TMEM132D: variants seen among roughly 807,000 people sequenced by gnomAD.
The protein encoded by TMEM132D is transmembrane protein 132D.
TMEM132D carries 21 observed loss-of-function variants against 62.3 expected under a neutral mutation model. The ratio of observed to expected loss-of-function variants is 0.34; its 90% confidence interval spans 0.24 to 0.49. TMEM132D has a LOEUF of 0.49. Among genes scored for constraint, TMEM132D ranks in the 20% least tolerant of loss-of-function variants. TMEM132D has a pLI of 0.99. For synonymous variants in TMEM132D, 621 were observed against 575.6 expected, an observed-to-expected ratio of 1.08 and a Z score of -1.13; for missense variants, 1,346 against 1,402.8, an observed-to-expected ratio of 0.96 and a Z score of 0.65.
chr12:129,755,933 A>G (rs1317089068), intron 1 of TMEM132D, among the ~76,000 whole-genome samples: 1 of 152,246 alleles, frequency 6.6e-6, no homozygotes, highest in Non-Finnish European at 1.5e-5. Context: ...GAGCTCACAT[A>G]GAACCCAAAA....
intron 5 of TMEM132D, among the ~76,000 whole-genome samples, chr12:129,093,395 C>A (rs983665918): frequency 6.6e-6 from 1 of 151,968 alleles, no homozygotes; most frequent in Admixed American, 6.6e-5. Flanking sequence ...CAATAACAGA[C>A]AAACAGAGAG....
At chr12:129,543,704 C>T (rs1326725002) in intron 2 of TMEM132D, among the ~76,000 whole-genome samples, 9 of 152,206 alleles carry the variant, frequency 5.9e-5, no homozygotes, top group African/African-American at 2.2e-4. Flanking sequence ...ATCACTTTCA[C>T]ACCATTGTAA....
At chr12:129,268,522 A>T (rs1204882725) in intron 4 of TMEM132D, among the ~76,000 whole-genome samples, 3 of 152,194 alleles carry the variant, frequency 2.0e-5, no homozygotes, top group Non-Finnish European at 4.4e-5. Flanking sequence ...AATCATTAAA[A>T]AGTCAGGAAA....
At chr12:129,737,005 A>G (rs1349313063) in intron 1 of TMEM132D, among the ~76,000 whole-genome samples, 1 of 151,934 alleles carries the variant, frequency 6.6e-6, no homozygotes, top group Non-Finnish European at 1.5e-5. Flanking sequence ...TTTTGTAGAG[A>G]CAAGGTTTCA....
intron 5 of TMEM132D, among the ~76,000 whole-genome samples, chr12:129,127,481 C>T (rs1876249116): frequency 6.6e-6 from 1 of 152,038 alleles, no homozygotes; most frequent in Admixed American, 6.5e-5. Flanking sequence ...AAATTTTGTT[C>T]TTTGTTCATA....
chr12:129,094,780 G>C (rs1053005982), intron 5 of TMEM132D, among the ~76,000 whole-genome samples: 7 of 152,206 alleles, frequency 4.6e-5, no homozygotes, highest in Admixed American at 2.6e-4. Context: ...TTGGAACCAA[G>C]CCAAATGTCC....
intron 2 of TMEM132D, among the ~76,000 whole-genome samples, chr12:129,666,563 T>A (rs1171903434): frequency 6.6e-6 from 1 of 152,200 alleles, no homozygotes; most frequent in African/African-American, 2.4e-5. Context: ...TCAAACTATT[T>A]CCTTGACTTT....
intron 2 of TMEM132D, among the ~76,000 whole-genome samples, chr12:129,640,245 T>C (rs569470865): frequency 3.3e-5 from 5 of 152,306 alleles, no homozygotes; most frequent in Admixed American, 6.5e-5. Context: ...AGGAATCGTC[T>C]TTGTAACTAT....
At chr12:129,313,193 A>G (rs1307694199) in intron 4 of TMEM132D, among the ~76,000 whole-genome samples, 1 of 152,104 alleles carries the variant, frequency 6.6e-6, no homozygotes, top group East Asian at 1.9e-4. Flanking sequence ...TCCATAAGCA[A>G]TTTGGGTACA....
intron 2 of TMEM132D, among the ~76,000 whole-genome samples, chr12:129,592,427 T>G (rs265636): frequency 0.68 from 102,935 of 151,876 alleles, 35,114 homozygotes; most frequent in East Asian, 0.85. Flanking sequence ...TTTCACAGGA[T>G]AATCCAACTG....
intron 2 of TMEM132D, among the ~76,000 whole-genome samples, chr12:129,552,042 T>G (rs1352909520): frequency 6.6e-6 from 1 of 152,198 alleles, no homozygotes; most frequent in Non-Finnish European, 1.5e-5. Context: ...TCTAAATTCC[T>G]TCCTACAAAA....
chr12:129,640,079 C>T lies in TMEM132D; in HGVS notation c.968+59731G>A, dbSNP rs554250286. Among the ~76,000 whole-genome samples, 134 of 145,284 alleles carry T rather than the reference C, an allele frequency of 9.2e-4. No individual in the cohort carries two copies. In the Middle Eastern group the frequency reaches 0.021, roughly 23 times the overall value. ...ACACATACACACACACACACACACA[C>T]GTAGAAATTCCAAAGCAACTAGGCT... On this transcript the variant is annotated intron_variant, in intron 2 of 8. Coordinates refer to ENST00000422113, the MANE Select transcript of TMEM132D (RefSeq NM_133448.3).
chr12:129,216,213 T>C (rs1280839216), intron 4 of TMEM132D, among the ~76,000 whole-genome samples: 2 of 152,212 alleles, frequency 1.3e-5, no homozygotes, highest in Non-Finnish European at 2.9e-5. Flanking sequence ...TTTGGTGCGT[T>C]AGTATTTGTA....
chr12:129,901,101 A>G (rs1875337981), intron 1 of TMEM132D, among the ~76,000 whole-genome samples: 1 of 152,210 alleles, frequency 6.6e-6, no homozygotes, highest in South Asian at 2.1e-4. Context: ...GTGGAAACAG[A>G]TATTTAATAC....
rs186274671 is a variant in TMEM132D, at chr12:129,213,165, C to G, written c.1300-3502G>C. Among the ~76,000 whole-genome samples, 18 of 152,256 alleles carry G rather than the reference C, an allele frequency of 1.2e-4. No individual in the cohort carries two copies. The East Asian group carries it at 3.1e-3, about 26-fold the overall frequency. On this transcript the variant is annotated intron_variant, in intron 4 of 8. Transcript: ENST00000422113. ...TATTTCACGACATATATTGTATATT[C>G]TGTGTGTGTGTCTTAGTTCATTTGT...
chr12:129,819,800 T>C (rs1190350894), intron 1 of TMEM132D, among the ~76,000 whole-genome samples: 1 of 152,130 alleles, frequency 6.6e-6, no homozygotes, highest in African/African-American at 2.4e-5. Flanking sequence ...ATCAATATTA[T>C]TTAAACATGT....
At chr12:129,555,156 G>A (rs992064018) in intron 2 of TMEM132D, among the ~76,000 whole-genome samples, 3 of 152,206 alleles carry the variant, frequency 2.0e-5, no homozygotes, top group Non-Finnish European at 4.4e-5. Flanking sequence ...CGTTGGAAAA[G>A]GAAGCTGATT....
chr12:129,388,375 G>A (rs34878042), intron 3 of TMEM132D, among the ~76,000 whole-genome samples: 89 of 67,132 alleles, frequency 1.3e-3, no homozygotes, highest in African/African-American at 1.9e-3. Context: ...CAGCACTGAT[G>A]ATAATATTAA....
chr12:129,774,692 T>C (rs1200993725), intron 1 of TMEM132D, among the ~76,000 whole-genome samples: 1 of 152,154 alleles, frequency 6.6e-6, no homozygotes, highest in African/African-American at 2.4e-5. Flanking sequence ...AGCAGAAAGC[T>C]CCTGTACACA....
Sources: allele counts gnomAD v4.1 joint callset (sites outside exome capture counted in the v4.1 genomes callset), GRCh38; gene constraint gnomAD v4.1.1; transcripts MANE v1.5; gene names NCBI Gene and HGNC (gene_info 2026-07-23, HGNC 2026-07-21).